Variants in PKIG observed in about 807,000 individuals in gnomAD.
The protein encoded by PKIG is protein kinase (cAMP-dependent, catalytic) inhibitor gamma.
Under a neutral mutation model 6.8 loss-of-function variants are expected in PKIG, and 1 was observed. The observed-to-expected ratio is 0.15, with a 90% CI of 0.05 to 0.69. PKIG has a LOEUF of 0.69. PKIG is among the 30% of genes least tolerant of loss of function. The pLI, the probability that PKIG is intolerant of heterozygous loss-of-function variation, is 0.82. For synonymous variants in PKIG, 39 were observed against 43.0 expected (o/e 0.91, Z 0.36); for missense variants, 77 against 104.0 (o/e 0.74, Z 1.13).
chr20:44,532,794 T>A (rs1395903688), intron 1 of PKIG, among the ~76,000 whole-genome samples: 1 of 151,982 alleles, frequency 6.6e-6, no homozygotes, highest in Admixed American at 6.6e-5. Context: ...GCTGGTGGAG[T>A]GTACCTTGCT....
chr20:44,536,994 A>G (rs1190053681), intron 1 of PKIG, among the ~76,000 whole-genome samples: 1 of 152,152 alleles, frequency 6.6e-6, no homozygotes, highest in Non-Finnish European at 1.5e-5. Flanking sequence ...CAATGGCACC[A>G]TCTCAGTTCA....
At position 44,542,765 on chromosome 20, in the gene PKIG, G is replaced by T. The variant is rs191592101; in HGVS notation, c.-241+10787G>T. Among the ~76,000 whole-genome samples, 954 of 152,142 alleles carry T rather than the reference G, an allele frequency of 6.3e-3. 9 individuals are homozygous for T. The highest frequency in any genetic ancestry group is 0.021 in the African/African-American group (881 of 41,512). On this transcript the variant is annotated intron_variant, in intron 1 of 4. Coordinates refer to the PKIG transcript ENST00000372887. ...GCGCCACAATACCCAGCTAATTTTT[G>T]TATTTTTAGTAGAGACAGGGTTTCA...
chr20:44,560,532 G>A (rs2064757364), intron 1 of PKIG, among the ~76,000 whole-genome samples: 1 of 152,206 alleles, frequency 6.6e-6, no homozygotes, highest in South Asian at 2.1e-4. Context: ...CTGATCCCGA[G>A]AAAGCATTTT....
upstream of PKIG, among the ~76,000 whole-genome samples, chr20:44,581,741 G>A (rs2064950053): frequency 6.6e-6 from 1 of 152,176 alleles, no homozygotes; most frequent in Non-Finnish European, 1.5e-5. Context: ...CCTTCATAAA[G>A]GGGGTTAAAG....
chr20:44,546,560 CT>C (rs59060487), intron 1 of PKIG, among the ~76,000 whole-genome samples: 17 of 141,794 alleles, frequency 1.2e-4, no homozygotes, highest in Admixed American at 1.4e-4. Context: ...TTTTTGAGTT[CT>C]TTTTTTTTTG....
intron 1 of PKIG, among the ~76,000 whole-genome samples, chr20:44,588,896 G>A (rs1046284158): frequency 3.3e-5 from 5 of 152,220 alleles, no homozygotes; most frequent in Admixed American, 3.3e-4. Context: ...TGCATAGCAT[G>A]TGTAATGAAT....
chr20:44,540,506 C>G (rs1440985153), intron 1 of PKIG, among the ~76,000 whole-genome samples: 1 of 152,128 alleles, frequency 6.6e-6, no homozygotes, highest in Non-Finnish European at 1.5e-5. Flanking sequence ...GAACTGGATA[C>G]ATGAGTTATG....
intron 2 of PKIG, among the ~76,000 whole-genome samples, chr20:44,606,351 T>A (rs1434696871): frequency 1.3e-5 from 2 of 152,196 alleles, no homozygotes; most frequent in Non-Finnish European, 2.9e-5. Context: ...TTAAGAAGAC[T>A]GTGGTGAAGG....
At chr20:44,544,013 G>A (rs1009402540) in intron 1 of PKIG, among the ~76,000 whole-genome samples, 3 of 150,246 alleles carry the variant, frequency 2.0e-5, no homozygotes, top group Non-Finnish European at 4.4e-5. Context: ...GCAGTGAGCT[G>A]AGGTCACACC....
intron 1 of PKIG, among the ~76,000 whole-genome samples, chr20:44,548,410 G>A (rs901251031): frequency 6.6e-5 from 10 of 152,054 alleles, no homozygotes; most frequent in Non-Finnish European, 1.2e-4. Flanking sequence ...TGTCAGCCTA[G>A]CAAATAAACA....
At chr20:44,577,056 CCCCAT>C (rs1392828897) in intron 1 of PKIG, among the ~76,000 whole-genome samples, 46 of 152,146 alleles carry the variant, frequency 3.0e-4, no homozygotes, top group African/African-American at 1.1e-3. Context: ...GGGTTTGATT[CCCCAT>C]CCCCCAAAAA....
chr20:44,546,812 C>A (rs111555146), intron 1 of PKIG, among the ~76,000 whole-genome samples: 11 of 151,982 alleles, frequency 7.2e-5, no homozygotes, highest in Admixed American at 5.9e-4. Context: ...TCTCAGCGTC[C>A]CAAAGTGCTG....
chr20:44,570,209 C>T (rs151246544), intron 1 of PKIG, among the ~76,000 whole-genome samples: 10 of 152,312 alleles, frequency 6.6e-5, no homozygotes, highest in African/African-American at 2.2e-4. Context: ...ATTAAATCCT[C>T]ATAGTGTCTG....
chr20:44,602,416 C>T (rs946826655), intron 2 of PKIG, among the ~76,000 whole-genome samples: 2 of 152,198 alleles, frequency 1.3e-5, no homozygotes, highest in African/African-American at 4.8e-5. Context: ...TGTGCAGTGC[C>T]TTTTTCTCTT....
intron 2 of PKIG, among the ~76,000 whole-genome samples, chr20:44,590,080 G>A (rs377005730): frequency 4.7e-5 from 7 of 148,322 alleles, no homozygotes; most frequent in African/African-American, 9.9e-5. Flanking sequence ...GTTTTCAGGC[G>A]TTTTTTTTTT....
chr20:44,554,169 G>A (rs575335591), intron 1 of PKIG, among the ~76,000 whole-genome samples: 3 of 151,766 alleles, frequency 2.0e-5, no homozygotes, highest in East Asian at 1.9e-4. Context: ...CCTCTGCCTC[G>A]CAGGCTCAAG....
At chr20:44,571,224 A>AAATAATAATAATAATAATAATAAT (rs140802204) in intron 1 of PKIG, among the ~76,000 whole-genome samples, 4 of 150,110 alleles carry the variant, frequency 2.7e-5, no homozygotes, top group African/African-American at 7.3e-5. Context: ...AGAGAGACTC[A>AAATAATAATAATAATAATAATAAT]AATAATAATA....
chr20:44,582,916 G>A (rs906861526), intron 1 of PKIG, among the ~76,000 whole-genome samples, 185 bp downstream of exon 1: 9 of 152,134 alleles, frequency 5.9e-5, no homozygotes, highest in Non-Finnish European at 1.2e-4. Context: ...AAGGCTAGTC[G>A]GAGCCTCCAG....
chr20:44,606,356 T>C (rs748430753), intron 2 of PKIG, among the ~76,000 whole-genome samples: 1 of 152,212 alleles, frequency 6.6e-6, no homozygotes, highest in Non-Finnish European at 1.5e-5. Flanking sequence ...AAGACTGTGG[T>C]GAAGGAAAGT....
Sources: gnomAD v4.1 joint callset for allele counts (sites outside exome capture counted in the v4.1 genomes callset) on GRCh38, gnomAD v4.1.1 for gene constraint, MANE v1.5 for transcripts, NCBI Gene and HGNC (gene_info 2026-07-23, HGNC 2026-07-21) for gene names.